ZNF362: variants seen among roughly 807,000 people sequenced by gnomAD.
ZNF362 encodes rotund homolog.
Under a neutral mutation model 42.9 loss-of-function variants are expected in ZNF362, and 11 were observed. That is an observed-to-expected ratio of 0.26 (90% CI 0.16 to 0.42). ZNF362 has a LOEUF of 0.42. ZNF362 is among the 20% of genes least tolerant of loss of function. The pLI, the probability that ZNF362 is intolerant of heterozygous loss-of-function variation, is 1.00. For missense variants in ZNF362, 362 were observed against 576.2 expected, an observed-to-expected ratio of 0.63 and a Z score of 3.81; for synonymous variants, 255 against 257.3, an observed-to-expected ratio of 0.99 and a Z score of 0.09.
the ZNF362 span, among the ~76,000 whole-genome samples, chr1:33,182,774 G>T: frequency 1.3e-5 from 2 of 152,124 alleles, no homozygotes; most frequent in African/African-American, 4.8e-5. Context: ...TGAAAGGGGA[G>T]GGCGCAGTGA....
At position 33,295,877 on chromosome 1, in the gene ZNF362, C is replaced by T. The variant is rs150790257; in HGVS notation, c.1146+572C>T. Reference sequence around the variant, plus strand: ...TTCTAGTTAACAGACCCCGTATCCCCGACATAGAGGTCACTGAGCCTCAGT... The same window carrying T: ...TTCTAGTTAACAGACCCCGTATCCCTGACATAGAGGTCACTGAGCCTCAGT... On this transcript the variant is annotated intron_variant, in intron 8 of 8. Transcript: ENST00000539719. Among the ~76,000 whole-genome samples the T allele has an allele frequency of 1.8e-3, 280 of 152,252 alleles. 2 individuals carry two copies. Among genetic ancestry groups the T allele is most frequent in the African/African-American group, 6.5e-3 (270 of 41,534 alleles).
At chr1:33,249,955 C>G in the ZNF362 span, among the ~76,000 whole-genome samples, 1 of 152,224 alleles carries the variant, frequency 6.6e-6, no homozygotes, top group Non-Finnish European at 1.5e-5. Context: ...AGGGTTCAAA[C>G]AGCTCTCTGG....
chr1:33,212,163 A>G, the ZNF362 span, among the ~76,000 whole-genome samples: 2 of 152,130 alleles, frequency 1.3e-5, no homozygotes, highest in Non-Finnish European at 2.9e-5. Context: ...TCAACCATGT[A>G]AGACATGCCT....
At position 33,294,470 on chromosome 1, in the gene ZNF362, T is replaced by A. The variant is rs952843789; in HGVS notation, c.909-467T>A. Reference sequence around the variant, plus strand: ...AGCTGTCACGGAGATGTGCCTGACATGGGGTAGGGACAGGAAATAAGTGTC... The same window carrying A: ...AGCTGTCACGGAGATGTGCCTGACAAGGGGTAGGGACAGGAAATAAGTGTC... On this transcript the variant is annotated intron_variant, in intron 6 of 8. Coordinates refer to ENST00000539719, the MANE Select transcript of ZNF362 (RefSeq NM_152493.3). This position sits in a 1 kb window ranked among gnomAD's most constrained non-coding sequence, Gnocchi z 4.2. Among the ~76,000 whole-genome samples, 2 of 152,038 alleles carry A rather than the reference T, an allele frequency of 1.3e-5. No homozygotes were observed. The highest frequency in any genetic ancestry group is 6.6e-5 in the Admixed American group (1 of 15,262).
At chr1:33,202,256 A>G in the ZNF362 span, among the ~76,000 whole-genome samples, 12 of 152,354 alleles carry the variant, frequency 7.9e-5, no homozygotes, top group East Asian at 2.1e-3. Flanking sequence ...ATATTTTCCA[A>G]TTCATCCTAT....
intron 8 of ZNF362, among the ~76,000 whole-genome samples, chr1:33,298,292 GT>G (rs1206856180): frequency 6.6e-6 from 1 of 152,204 alleles, no homozygotes; most frequent in Non-Finnish European, 1.5e-5. Context: ...TGAGGCTGTG[GT>G]GAGCTGTGAT....
the ZNF362 span, among the ~76,000 whole-genome samples, chr1:33,242,151 G>A: frequency 6.6e-6 from 1 of 152,164 alleles, no homozygotes; most frequent in Non-Finnish European, 1.5e-5. Flanking sequence ...CACTGAGTAT[G>A]TGGTCCTGAG....
At chr1:33,290,992 A>G (rs1287606788) in intron 6 of ZNF362, among the ~76,000 whole-genome samples, 3 of 152,126 alleles carry the variant, frequency 2.0e-5, no homozygotes, top group Non-Finnish European at 2.9e-5. Flanking sequence ...AGATTGCAAA[A>G]ATTTTCTCCC....
Position 33,276,474 on chromosome 1 carries a change from G to T in ZNF362, c.229G>T (p.Glu77Ter). Residue 77 changes from glutamate to a stop codon, truncating the protein, a stop_gained, in exon 4 of 9, where the codon GAG becomes TAG. Transcript: ENST00000539719. LOFTEE classifies it high-confidence loss of function. ...QPLLVPPAPA[E>*]SSQAVMSLPK... The stretch of plus-strand genomic sequence containing the variant: ...GTTGCTAGTGCCGCCGGCACCCGCC[G>T]AGAGCAGCCAGGCCGTCATGTCGCT... The T allele has an allele frequency of 6.3e-7, 1 of 1,590,456 alleles. No homozygotes were observed. Among genetic ancestry groups the T allele is most frequent in the East Asian group, 2.3e-5 (1 of 43,758 alleles).
intron 6 of ZNF362, among the ~76,000 whole-genome samples, chr1:33,286,138 A>C (rs993233693): frequency 6.6e-6 from 1 of 152,232 alleles, no homozygotes; most frequent in Non-Finnish European, 1.5e-5. Context: ...CTCCTTTTGT[A>C]AAACAAGGGA....
At chr1:33,231,556 A>G in the ZNF362 span, among the ~76,000 whole-genome samples, 3 of 152,088 alleles carry the variant, frequency 2.0e-5, no homozygotes, top group Admixed American at 6.5e-5. Context: ...GTCCCCTGAT[A>G]TTTCCTCCCA....
At chr1:33,139,699 C>A in the ZNF362 span, among the ~76,000 whole-genome samples, 1 of 152,148 alleles carries the variant, frequency 6.6e-6, no homozygotes, top group Admixed American at 6.5e-5. Context: ...CAGAGGAAGC[C>A]CCTGCAAACA....
the ZNF362 span, chr1:33,145,677 C>T: frequency 3.1e-6 from 1 of 321,662 alleles, no homozygotes; most frequent in African/African-American, 2.2e-5. Context: ...AAAGTCAAGG[C>T]CGGGGAGACA....
intron 1 of ZNF362, among the ~76,000 whole-genome samples, chr1:33,257,496 GC>G (rs1645801901): frequency 6.6e-6 from 1 of 150,964 alleles, no homozygotes; most frequent in Non-Finnish European, 1.5e-5. Flanking sequence ...CCCCCAGCCA[GC>G]TGCCTTTGCA....
chr1:33,180,760 C>G, the ZNF362 span, among the ~76,000 whole-genome samples: 994 of 152,326 alleles, frequency 6.5e-3, 9 homozygotes, highest in African/African-American at 0.023. Context: ...TTCTCCCTAA[C>G]CGCGGACCAG....
At chr1:33,191,993 C>T in the ZNF362 span, among the ~76,000 whole-genome samples, 1 of 152,214 alleles carries the variant, frequency 6.6e-6, no homozygotes, top group South Asian at 2.1e-4. Flanking sequence ...CTATTATCCT[C>T]TAGCAAACGG....
At chr1:33,224,159 A>G in the ZNF362 span, among the ~76,000 whole-genome samples, 83 of 152,216 alleles carry the variant, frequency 5.5e-4, no homozygotes, top group Admixed American at 3.9e-4. Context: ...AGAGACCCAT[A>G]GGAGTCCAGA....
the ZNF362 span, among the ~76,000 whole-genome samples, chr1:33,216,599 C>CCA: frequency 1.4e-5 from 1 of 71,898 alleles, no homozygotes; most frequent in Admixed American, 2.0e-4. Context: ...GACTCTGTCT[C>CCA]AAAAAAAAAA....
At chr1:33,276,684 G>T in intron 4 of ZNF362, 90 bp downstream of exon 4, 1 of 1,279,128 alleles carries the variant, frequency 7.8e-7, no homozygotes, top group Non-Finnish European at 9.9e-7. Flanking sequence ...ATGGGACCCG[G>T]CTAGGTAAGA....
Sources: gnomAD v4.1 joint callset for allele counts (sites outside exome capture counted in the v4.1 genomes callset) on GRCh38, gnomAD v4.1.1 for gene constraint, Gnocchi (gnomAD v3.1) non-coding constraint, MANE v1.5 for transcripts, NCBI Gene and HGNC (gene_info 2026-07-23, HGNC 2026-07-21) for gene names.